Variants in HINFP observed in about 807,000 individuals in gnomAD.
HINFP encodes MBD2 (methyl-CpG-binding protein)-interacting zinc finger protein.
A neutral mutation model predicts 50.1 loss-of-function variants in HINFP; 20 were observed. The observed-to-expected ratio is 0.40, with a 90% CI of 0.28 to 0.58. The LOEUF is 0.58. Ranked by LOEUF, HINFP falls within the 20% of genes least tolerant of loss-of-function variation. The probability of loss-of-function intolerance (pLI) is 0.45; values close to 1 mark genes in which losing one functional copy is unlikely to be tolerated. For synonymous variants in HINFP, 247 were observed against 243.7 expected (o/e 1.01, Z -0.13); for missense variants, 505 against 664.1 (o/e 0.76, Z 2.63).
chr11:119,129,490 C>CTTTTTTTTCTTTTTTTTTTTT (rs776476604), intron 2 of HINFP, among the ~76,000 whole-genome samples: 7 of 124,190 alleles, frequency 5.6e-5, no homozygotes, highest in African/African-American at 2.1e-4. Context: ...TTTTTCTTTT[C>CTTTTTTTTCTTTTTTTTTTTT]TTTTTTTTTT....
rs1565803387 is a variant in HINFP, at chr11:119,134,043, C to CCTGGCTGGGTTTG, written c.1140-38_1140-37insGCTGGGTTTGCTG. The CCTGGCTGGGTTTG allele has an allele frequency of 2.5e-6, 4 of 1,613,262 alleles. No individual in the cohort carries two copies. The African/African-American group carries it at 5.3e-5, about 22-fold the overall frequency. On this transcript the variant is annotated intron_variant, in intron 9 of 9. Coordinates refer to ENST00000350777, the MANE Select transcript of HINFP (RefSeq NM_198971.3). The surrounding 1 kb of genome is among the most constrained non-coding windows in gnomAD (Gnocchi z 4.3). ...CCAGCCTCGGCCATTTCTGTATCCC[C>CCTGGCTGGGTTTG]CTGCCTGGGTTTGCTGCCCTTTATG...
intron 2 of HINFP, among the ~76,000 whole-genome samples, chr11:119,129,237 C>T (rs1233426363): frequency 6.6e-6 from 1 of 151,950 alleles, no homozygotes; most frequent in Non-Finnish European, 1.5e-5. Flanking sequence ...GACAGGATTT[C>T]ACCATATTGG....
In HINFP at chr11:119,133,851, T is replaced by G. The variant is rs538340191; in HGVS notation, c.1140-233T>G. ...TTCACCCTCCAACACAGTCAGTCAG[T>G]CTCTGTTTTTCTGGTTGGGTTTCTA... is the stretch of plus-strand genomic sequence containing the variant. On this transcript the variant is annotated intron_variant, in intron 9 of 9. Coordinates refer to ENST00000350777, the MANE Select transcript of HINFP (RefSeq NM_198971.3). 7 of 597,760 alleles carry G rather than the reference T, an allele frequency of 1.2e-5. No individual in the cohort carries two copies. In the South Asian group the frequency reaches 1.5e-4, roughly 12 times the overall value. The allele number at this position is 597,760 out of a possible 1,614,324, so 37.0% of individuals were successfully genotyped here.
Position 119,131,156 on chromosome 11 carries a change from A to G in HINFP, c.411+202A>G. The G allele has an allele frequency of 1.5e-6, 1 of 687,544 alleles. No individual in the cohort carries two copies. The highest frequency in any genetic ancestry group is 2.6e-6 in the Non-Finnish European group (1 of 377,828). The allele number at this position is 687,544 out of a possible 1,614,324, so 42.6% of individuals were successfully genotyped here. ...CAGGCTAGAGTGCAGTGGTACAATC[A>G]TAGCTCACTGTAACCTTGAACTCCT... On this transcript the variant is annotated intron_variant, in intron 3 of 9. Coordinates refer to ENST00000350777, the MANE Select transcript of HINFP (RefSeq NM_198971.3). This position sits in a 1 kb window ranked among gnomAD's most constrained non-coding sequence, Gnocchi z 4.2.
chr11:119,129,604 G>A (rs911122939), intron 2 of HINFP, among the ~76,000 whole-genome samples: 13 of 151,548 alleles, frequency 8.6e-5, no homozygotes, highest in African/African-American at 2.7e-4. Context: ...GGGACTACAG[G>A]CGCCCACCAC....
At chr11:119,126,906 C>G (rs1168693225) in intron 1 of HINFP, 29 bp from the exon 2 acceptor site, 2 of 1,571,270 alleles carry the variant, frequency 1.3e-6, no homozygotes, top group Non-Finnish European at 1.7e-6. Flanking sequence ...GGAATTCTTG[C>G]AGCTGTGGAT....
rs1289195020 is a variant in HINFP, at chr11:119,133,089, C to T, written c.1015-6C>T. On this transcript the variant is annotated splice_polypyrimidine_tract_variant and splice_region_variant and intron_variant, in intron 8 of 9. Coordinates refer to ENST00000350777, the MANE Select transcript of HINFP (RefSeq NM_198971.3). ...TGGTCTCATTTCTCCCTTCCTTCCC[C>T]ATCAGGGAGACTCTGAGCCAAGGTA... is the stretch of plus-strand genomic sequence containing the variant. 1.2e-6 allele frequency: 2 copies of T among 1,614,102 alleles called. No individual in the cohort carries two copies. Among genetic ancestry groups the T allele is most frequent in the African/African-American group, 1.3e-5 (1 of 74,928 alleles).
In HINFP at chr11:119,131,628, G is replaced by T. The variant is rs544586587; in HGVS notation, c.505G>T (p.Val169Leu). 81 of 1,614,076 alleles carry T rather than the reference G, an allele frequency of 5.0e-5. 2 individuals are homozygous for T. In the South Asian group the frequency reaches 6.6e-4, roughly 13 times the overall value. The change falls in exon 4 of 10, where the codon GTG (valine) becomes TTG (leucine). Residue 169 changes from valine (V) to leucine (L), a missense_variant. Val to Leu is a conservative substitution (Grantham distance 32). Transcript: ENST00000350777. This position sits in a 1 kb window ranked among gnomAD's most constrained non-coding sequence, Gnocchi z 4.2. ...YEAVGKDNPVVLCGWKGCTCT... is the reference protein window; with the variant it reads ...YEAVGKDNPVLLCGWKGCTCT... ...AGCAGTCGGCAAGGACAACCCGGTGGTGCTGTGTGGCTGGAAAGGTAGGGC... is the reference window on the plus strand; with the variant it reads ...AGCAGTCGGCAAGGACAACCCGGTGTTGCTGTGTGGCTGGAAAGGTAGGGC...
At chr11:119,127,356 AGT>A in intron 2 of HINFP, 1 of 377,582 alleles carries the variant, frequency 2.6e-6, no homozygotes, top group Non-Finnish European at 4.7e-6. Context: ...ACAGTACTTT[AGT>A]GAACATTGTT....
At position 119,131,120 on chromosome 11, in the gene HINFP, G is replaced by T. The variant is rs879142843; in HGVS notation, c.411+166G>T. The stretch of plus-strand genomic sequence containing the variant: ...GTTTATTTTTTACACACAGGCTCTT[G>T]ATCTGAAGCCCAGGCTAGAGTGCAG... On this transcript the variant is annotated intron_variant, in intron 3 of 9. Transcript: ENST00000350777. This position sits in a 1 kb window ranked among gnomAD's most constrained non-coding sequence, Gnocchi z 4.2. The T allele has an allele frequency of 1.4e-6, 1 of 721,362 alleles. No individual in the cohort carries two copies. Among genetic ancestry groups the T allele is most frequent in the Non-Finnish European group, 2.5e-6 (1 of 404,688 alleles). 44.7% of individuals were successfully genotyped at this position (721,362 alleles called of 1,614,324 possible).
chr11:119,127,326 C>A, intron 2 of HINFP: 1 of 454,738 alleles, frequency 2.2e-6, no homozygotes, highest in Non-Finnish European at 3.8e-6. Flanking sequence ...TGCCATCCTG[C>A]CATCAAGAAG....
In HINFP at chr11:119,134,300, C is replaced by T; in HGVS notation, c.1356C>T (p.Ala452=). Residue 452 remains alanine (A), a synonymous_variant, in exon 10 of 10, where the codon GCC becomes GCT. Coordinates refer to ENST00000350777, the MANE Select transcript of HINFP (RefSeq NM_198971.3). The surrounding 1 kb of genome is among the most constrained non-coding windows in gnomAD (Gnocchi z 4.3). The part of the protein sequence containing the change: ...EEEGKGSEGT[A]LSASQDNPSS... ...AGGGCAAGGGTAGCGAAGGGACAGC[C>T]CTCTCAGCCTCTCAGGACAACCCCA... 6.2e-7 allele frequency: 1 copy of T among 1,614,118 alleles called. No homozygotes were observed. Among genetic ancestry groups the T allele is most frequent in the Middle Eastern group, 1.6e-4 (1 of 6,062 alleles).
At chr11:119,122,242 G>A (rs925696457) in intron 1 of HINFP, among the ~76,000 whole-genome samples, 5 of 152,202 alleles carry the variant, frequency 3.3e-5, no homozygotes, top group African/African-American at 1.2e-4. Context: ...AAGACAGGAG[G>A]ACAGTCAGAG....
chr11:119,130,841 C>A lies in HINFP; in HGVS notation c.298C>A (p.Leu100Met). ...CCACACCAAGCTGAAACAGTGGGGG[C>A]TGCAGGCCTTGCAAAGCCAGGCTGA... ...CYHTKLKQWG[L>M]QALQSQADLG... Residue 100 changes from leucine to methionine, a missense_variant, in exon 3 of 10, where the codon CTG becomes ATG. Leu to Met is a conservative substitution (Grantham distance 15). Transcript: ENST00000350777. 1 of 1,614,216 alleles carries A rather than the reference C, an allele frequency of 6.2e-7. No individual in the cohort carries two copies. Among genetic ancestry groups the A allele is most frequent in the Non-Finnish European group, 8.5e-7 (1 of 1,180,044 alleles).
At chr11:119,132,390 T>G (rs1947813661) in intron 5 of HINFP, 106 bp from the exon 6 acceptor site, 1 of 1,111,778 alleles carries the variant, frequency 9.0e-7, no homozygotes, top group African/African-American at 1.5e-5. Flanking sequence ...TAAGCTCTCC[T>G]TTTCTCCTTG....
chr11:119,128,011 G>A (rs570114976), intron 2 of HINFP, among the ~76,000 whole-genome samples: 68 of 151,936 alleles, frequency 4.5e-4, no homozygotes, highest in African/African-American at 1.3e-3. Flanking sequence ...GCGCCACCAC[G>A]CCCAACTAAT....
At chr11:119,129,514 G>A (rs1167195599) in intron 2 of HINFP, among the ~76,000 whole-genome samples, 35 of 123,334 alleles carry the variant, frequency 2.8e-4, no homozygotes, top group African/African-American at 1.1e-3. Flanking sequence ...TTGTGGGAGT[G>A]CAGTGGCTCG....
At chr11:119,127,191 C>T in intron 2 of HINFP, 66 bp downstream of exon 2, 1 of 1,356,730 alleles carries the variant, frequency 7.4e-7, no homozygotes, top group Admixed American at 2.8e-5. Flanking sequence ...CTTTCTTTTC[C>T]TTAGAGGGAG....
At chr11:119,124,495 C>CA in intron 1 of HINFP, 1 of 152,118 alleles carries the variant, frequency 6.6e-6, no homozygotes. Context: ...ATTTTGCTTG[C>CA]AACGTCACCC....
Sources: gnomAD v4.1 joint callset for allele counts (sites outside exome capture counted in the v4.1 genomes callset) on GRCh38, gnomAD v4.1.1 for gene constraint, Gnocchi (gnomAD v3.1) non-coding constraint, MANE v1.5 for transcripts, NCBI Gene and HGNC (gene_info 2026-07-23, HGNC 2026-07-21) for gene names.